Variants in CD4 observed in about 807,000 individuals in gnomAD.
CD4 encodes the protein CD4 molecule, also known as T-cell surface glycoprotein CD4.
A neutral mutation model predicts 50.5 loss-of-function variants in CD4; 25 were observed. The ratio of observed to expected loss-of-function variants is 0.49; its 90% CI spans 0.36 to 0.69. CD4 has a LOEUF of 0.69. Ranked by LOEUF, CD4 falls within the 30% of genes least tolerant of loss-of-function variation. CD4 has a pLI of 0.00. For synonymous variants in CD4, 207 were observed against 221.9 expected, an observed-to-expected ratio of 0.93 and a Z score of 0.60; for missense variants, 456 against 548.5, an observed-to-expected ratio of 0.83 and a Z score of 1.68.
chr12:6,794,786 G>GTTTTTTTTTTTTTTTTTTTTTTT (rs1220016459), intron 1 of CD4, among the ~76,000 whole-genome samples: 5 of 105,394 alleles, frequency 4.7e-5, no homozygotes, highest in Admixed American at 1.2e-4. Context: ...TTTTTTTTTT[G>GTTTTTTTTTTTTTTTTTTTTTTT]TTTTTTTTTT....
chr12:6,800,485 G>T lies in CD4; in HGVS notation c.214+14G>T, dbSNP rs781875176. On this transcript the variant is annotated intron_variant, in intron 3 of 9. Transcript: ENST00000011653. ...TCTTAACTAAAGGTAGGGTTGCCTGGCTCCCCATCCAGGGAGGAAAACACA... is the reference window on the plus strand; with the variant it reads ...TCTTAACTAAAGGTAGGGTTGCCTGTCTCCCCATCCAGGGAGGAAAACACA... 6.2e-7 allele frequency: 1 copy of T among 1,607,446 alleles called. No individual in the cohort carries two copies. Among genetic ancestry groups the T allele is most frequent in the African/African-American group, 1.3e-5 (1 of 74,510 alleles).
At chr12:6,813,671 C>T (rs1476791689) in intron 3 of CD4, 1 of 154,138 alleles carries the variant, frequency 6.5e-6, no homozygotes, top group Non-Finnish European at 1.4e-5. Flanking sequence ...ATTTGTAATT[C>T]TGTATAGATT....
rs200704295 is a variant in CD4, at chr12:6,818,935, G to T, written c.1346+21G>T. On this transcript the variant is annotated intron_variant, in intron 9 of 9. Transcript: ENST00000011653. The surrounding 1 kb of genome is among the most constrained non-coding windows in gnomAD (Gnocchi z 5.0). Reference sequence around the variant, plus strand: ...CCTCAGTAAGGATCTGGGAGGAGGGGTTGAGAGAGGGGAAAGGGGGAGGGG... The same window carrying T: ...CCTCAGTAAGGATCTGGGAGGAGGGTTTGAGAGAGGGGAAAGGGGGAGGGG... The T allele has an allele frequency of 6.8e-6, 8 of 1,172,474 alleles. No homozygotes were observed. In the East Asian group the frequency reaches 1.7e-4, roughly 25 times the overall value. The allele number at this position is 1,172,474 out of a possible 1,614,324, so 72.6% of individuals were successfully genotyped here.
In CD4 at chr12:6,815,003, C is replaced by A. The variant is rs201514796; in HGVS notation, c.607+11C>A. On this transcript the variant is annotated intron_variant, in intron 5 of 9. Coordinates refer to ENST00000011653, the MANE Select transcript of CD4 (RefSeq NM_000616.5). ...ACATCGTGGTGCTAGGTAAGGGAAG[C>A]CCCTCTTCGCGCAGTCTCCTCCCTG... 1.1e-4 allele frequency: 175 copies of A among 1,577,524 alleles called. No individual in the cohort carries two copies. In the South Asian group the frequency reaches 1.9e-3, roughly 17 times the overall value.
rs1401043905 is a variant in CD4 at position 6,800,384 on chromosome 12, G to C, written c.127G>C (p.Ala43Pro). The C allele has an allele frequency of 3.7e-6, 6 of 1,613,900 alleles. No individual in the cohort carries two copies. The highest frequency in any genetic ancestry group is 3.3e-5 in the Admixed American group (2 of 59,980). ...GGATACAGTGGAACTGACCTGTACA[G>C]CTTCCCAGAAGAAGAGCATACAATT... ...KGDTVELTCTASQKKSIQFHW... is the reference protein window; with the variant it reads ...KGDTVELTCTPSQKKSIQFHW... Residue 43 changes from alanine to proline, a missense_variant, in exon 3 of 10, where the codon GCT (alanine) becomes CCT (proline). By Grantham distance (27) the Ala-to-Pro change is conservative. Transcript: ENST00000011653.
intron 3 of CD4, among the ~76,000 whole-genome samples, chr12:6,802,001 G>A (rs904432506): frequency 1.3e-5 from 2 of 151,514 alleles, no homozygotes; most frequent in African/African-American, 2.4e-5. Flanking sequence ...AGCCTCCTGA[G>A]TAGCTGGGAC....
chr12:6,799,431 A>T (rs1232826246), intron 1 of CD4: 1 of 152,128 alleles, frequency 6.6e-6, no homozygotes, highest in Non-Finnish European at 1.5e-5. Flanking sequence ...TTTTAAGTAC[A>T]TGCATGATAT....
In CD4 at chr12:6,812,768, T is replaced by TG. The variant is rs1555117185; in HGVS notation, c.215-1374_215-1373insG. Among the ~76,000 whole-genome samples the TG allele has an allele frequency of 4.6e-4, 15 of 32,392 alleles. No individual in the cohort carries two copies. The East Asian group carries it at 0.028, about 60-fold the overall frequency. The allele number at this position is 32,392 out of a possible 152,430, so 21.3% of individuals were successfully genotyped here. A position where few individuals can be genotyped will look rare whatever the true frequency, so the allele number is the denominator to read the frequency against. On this transcript the variant is annotated intron_variant, in intron 3 of 9. Transcript: ENST00000011653. ...CTCTTCCTAGAGGCAACCAAGGTTATTTTTGTGTGTGTGTGTGTGTGTGTG... is the reference window on the plus strand; with the variant it reads ...CTCTTCCTAGAGGCAACCAAGGTTATGTTTTGTGTGTGTGTGTGTGTGTGTG...
chr12:6,801,996 C>T (rs1229895493), intron 3 of CD4, among the ~76,000 whole-genome samples: 1 of 151,622 alleles, frequency 6.6e-6, no homozygotes, highest in African/African-American at 2.4e-5. Context: ...GCCTCAGCCT[C>T]CTGAGTAGCT....
At chr12:6,807,175 A>C (rs1228567859) in intron 3 of CD4, among the ~76,000 whole-genome samples, 1 of 1,594 alleles carries the variant, frequency 6.3e-4, no homozygotes, top group African/African-American at 4.2e-3. Flanking sequence ...TCAAAAAAAC[A>C]AAAACAAACA....
Position 6,817,224 on chromosome 12 carries a change from G to A in CD4, c.1050G>A (p.Lys350=). 1 of 1,613,724 alleles carries A rather than the reference G, an allele frequency of 6.2e-7. No homozygotes were observed. Among genetic ancestry groups the A allele is most frequent in the Non-Finnish European group, 8.5e-7 (1 of 1,179,782 alleles). The part of the protein sequence containing the change: ...LSLKLENKEA[K]VSKREKAVWV... ...TGAAACTGGAGAACAAGGAGGCAAAGGTCTCGAAGCGGGAGAAGGCGGTGT... is the reference window on the plus strand; with the variant it reads ...TGAAACTGGAGAACAAGGAGGCAAAAGTCTCGAAGCGGGAGAAGGCGGTGT... Residue 350 remains lysine, a synonymous_variant, in exon 7 of 10, where the codon AAG becomes AAA. Transcript: ENST00000011653.
In CD4 at chr12:6,820,750, A is replaced by G. The variant is rs1196966000; in HGVS notation, c.*1421A>G. 6.6e-6 allele frequency: 1 copy of G among 150,500 alleles called. No homozygotes were observed. The highest frequency in any genetic ancestry group is 1.5e-5 in the Non-Finnish European group (1 of 67,794). 9.3% of individuals were successfully genotyped at this position (150,500 alleles called of 1,614,324 possible). On this transcript the variant is annotated 3_prime_UTR_variant, in exon 10 of 10. Transcript: ENST00000011653. ...ATTTGCTTACTTTGCATTTGTGCCC[A>G]CTCTCCACCCCTGCTCCCCTGAGCT... is the stretch of plus-strand genomic sequence containing the variant.
At chr12:6,804,933 G>A (rs989086666) in intron 3 of CD4, among the ~76,000 whole-genome samples, 13 of 151,180 alleles carry the variant, frequency 8.6e-5, no homozygotes, top group East Asian at 5.9e-4. Context: ...GGAGAATGGC[G>A]TGAACCTGGG....
At chr12:6,793,548 C>T (rs1392693852) in intron 1 of CD4, among the ~76,000 whole-genome samples, 1 of 152,128 alleles carries the variant, frequency 6.6e-6, no homozygotes, top group African/African-American at 2.4e-5. Flanking sequence ...AACACTTCAC[C>T]ATCACTGGTG....
intron 5 of CD4, chr12:6,815,666 G>C (rs900288819): frequency 1.7e-6 from 2 of 1,185,252 alleles, no homozygotes; most frequent in Non-Finnish European, 2.2e-6. Context: ...ATATACGTAA[G>C]GCACTGAAAA....
rs782779823 is a variant in CD4 at position 6,818,584 on chromosome 12, C to T, written c.1278+42C>T. ...CTGGTCCCCACAAGGCCCTCAAACC[C>T]CTGAGTCCTCTACCAGGAGATCCTG... On this transcript the variant is annotated intron_variant, in intron 8 of 9. Transcript: ENST00000011653. This position sits in a 1 kb window ranked among gnomAD's most constrained non-coding sequence, Gnocchi z 5.0. 10 of 1,610,448 alleles carry T rather than the reference C, an allele frequency of 6.2e-6. No individual in the cohort carries two copies. Among genetic ancestry groups the T allele is most frequent in the Non-Finnish European group, 6.8e-6 (8 of 1,179,364 alleles).
At position 6,818,631 on chromosome 12, in the gene CD4, C is replaced by A; in HGVS notation, c.1278+89C>A. ...CCTGTATATGGGAACTGATTTTGGC[C>A]CAGCTCCCTCTGCCCACTCGTAAGT... On this transcript the variant is annotated intron_variant, in intron 8 of 9. Transcript: ENST00000011653. This position sits in a 1 kb window ranked among gnomAD's most constrained non-coding sequence, Gnocchi z 5.0. The A allele has an allele frequency of 6.6e-7, 1 of 1,524,472 alleles. No homozygotes were observed. Among genetic ancestry groups the A allele is most frequent in the Non-Finnish European group, 9.0e-7 (1 of 1,109,326 alleles). The allele number at this position is 1,524,472 out of a possible 1,614,324, so 94.4% of individuals were successfully genotyped here.
At chr12:6,794,121 G>T (rs1409779058) in intron 1 of CD4, among the ~76,000 whole-genome samples, 3 of 150,270 alleles carry the variant, frequency 2.0e-5, no homozygotes, top group Admixed American at 2.0e-4. Context: ...CACCCAGGCT[G>T]GAGTGCAGTG....
chr12:6,807,296 T>G (rs1441266875), intron 3 of CD4, among the ~76,000 whole-genome samples: 1 of 152,226 alleles, frequency 6.6e-6, no homozygotes, highest in Non-Finnish European at 1.5e-5. Flanking sequence ...ATAGCAGCTT[T>G]ATTCATGGTA....
Sources: allele counts gnomAD v4.1 joint callset (sites outside exome capture counted in the v4.1 genomes callset), GRCh38; gene constraint gnomAD v4.1.1; non-coding constraint Gnocchi (gnomAD v3.1); transcripts MANE v1.5; gene names NCBI Gene and HGNC (gene_info 2026-07-23, HGNC 2026-07-21).